KIAA1217: variants seen among roughly 807,000 people sequenced by gnomAD.
KIAA1217 encodes the protein sickle tail protein homolog.
In KIAA1217, 88 loss-of-function variants were observed where a neutral mutation model predicts 163.9. The observed-to-expected ratio is 0.54, with a 90% CI of 0.45 to 0.64. The LOEUF (loss-of-function observed/expected upper bound fraction) is 0.64, where lower values mean the gene tolerates loss of function less well. KIAA1217 is among the 30% of genes least tolerant of loss of function. The probability of loss-of-function intolerance (pLI) is 0.00; values close to 1 mark genes in which losing one functional copy is unlikely to be tolerated. For missense variants in KIAA1217, 2,372 were observed against 2,475.0 expected (o/e 0.96, Z 0.88); for synonymous variants, 903 against 923.1 (o/e 0.98, Z 0.39).
intron 8 of KIAA1217, among the ~76,000 whole-genome samples, chr10:24,498,638 G>A (rs2067126060): frequency 6.6e-6 from 1 of 152,050 alleles, no homozygotes; most frequent in South Asian, 2.1e-4. Flanking sequence ...GGGCAACATG[G>A]CAAAACCCCG....
chr10:24,220,954 T>C (rs1412069217), intron 2 of KIAA1217, among the ~76,000 whole-genome samples: 1 of 151,624 alleles, frequency 6.6e-6, no homozygotes, highest in East Asian at 1.9e-4. Flanking sequence ...AGAGACGGGG[T>C]CTTTCTCTAT....
At position 24,240,787 on chromosome 10, in the gene KIAA1217, T is replaced by C. The variant is rs144279158; in HGVS notation, c.354+20878T>C. Among the ~76,000 whole-genome samples the C allele has an allele frequency of 9.2e-3, 1,396 of 152,254 alleles. 24 individuals carry two copies. The highest frequency in any genetic ancestry group is 0.031 in the African/African-American group (1,308 of 41,548). On this transcript the variant is annotated intron_variant, in intron 2 of 20. Coordinates refer to ENST00000376454, the MANE Select transcript of KIAA1217 (RefSeq NM_019590.5). ...GAAATGGCATTGGATATTTAGAAAG[T>C]GTTTTTATATTCTTTACTTCCTCTT...
At chr10:24,282,175 C>T (rs576187683) in intron 2 of KIAA1217, among the ~76,000 whole-genome samples, 24 of 150,810 alleles carry the variant, frequency 1.6e-4, no homozygotes, top group African/African-American at 5.4e-4. Flanking sequence ...CAAGACCAGC[C>T]TGGGCAACAT....
At chr10:24,345,764 C>T (rs965448527) in intron 2 of KIAA1217, among the ~76,000 whole-genome samples, 2 of 151,426 alleles carry the variant, frequency 1.3e-5, no homozygotes, top group African/African-American at 2.4e-5. Flanking sequence ...CCCCCTTTCT[C>T]ATTTTATTCA....
At chr10:24,193,061 C>A in intron 2 of KIAA1217, among the ~76,000 whole-genome samples, 1 of 152,144 alleles carries the variant, frequency 6.6e-6, no homozygotes, top group Non-Finnish European at 1.5e-5. Flanking sequence ...GGACTATGGG[C>A]ATGTGCCACC....
At chr10:24,114,941 A>G (rs1475034424) in intron 2 of KIAA1217, among the ~76,000 whole-genome samples, 1 of 152,076 alleles carries the variant, frequency 6.6e-6, no homozygotes, top group East Asian at 1.9e-4. Context: ...TTTGATTTTG[A>G]GCTTTCCTAG....
intron 6 of KIAA1217, 70 bp from the exon 7 acceptor site, chr10:24,494,430 G>T: frequency 1.6e-6 from 2 of 1,254,780 alleles, no homozygotes; most frequent in Non-Finnish European, 2.3e-6. Flanking sequence ...ACCCTCAGGT[G>T]GTGCATTCAC....
chr10:24,233,007 C>T (rs1031175797), intron 2 of KIAA1217, among the ~76,000 whole-genome samples: 1 of 149,792 alleles, frequency 6.7e-6, no homozygotes, highest in Admixed American at 6.7e-5. Context: ...CACCTACAGT[C>T]CCAGATACTT....
intron 17 of KIAA1217, among the ~76,000 whole-genome samples, chr10:24,540,341 C>T (rs143312689): frequency 0.016 from 2,393 of 152,324 alleles, 90 homozygotes; most frequent in East Asian, 0.11. Context: ...TCAAGCAATT[C>T]TCCTACCTCG....
At chr10:23,872,538 T>A (rs1415698964) in intron 1 of KIAA1217, among the ~76,000 whole-genome samples, 1 of 152,090 alleles carries the variant, frequency 6.6e-6, no homozygotes, top group East Asian at 1.9e-4. Context: ...ACCACAAATA[T>A]ATCTCCACTA....
intron 2 of KIAA1217, among the ~76,000 whole-genome samples, chr10:24,200,836 G>A (rs1314457205): frequency 6.6e-6 from 1 of 152,118 alleles, no homozygotes; most frequent in East Asian, 1.9e-4. Flanking sequence ...GGGCCTGTGA[G>A]CAGAGTGAGC....
chr10:24,376,718 T>C (rs549288686), intron 2 of KIAA1217, among the ~76,000 whole-genome samples: 2 of 152,132 alleles, frequency 1.3e-5, no homozygotes, highest in African/African-American at 4.8e-5. Context: ...GCCATAATCT[T>C]ACCACTGCAC....
intron 1 of KIAA1217, among the ~76,000 whole-genome samples, chr10:23,861,275 C>A (rs115135336): frequency 0.023 from 3,538 of 152,178 alleles, 145 homozygotes; most frequent in African/African-American, 0.08. Flanking sequence ...GGCAGGAGAT[C>A]CACATCAAGA....
rs991545035 is a variant in KIAA1217 at position 24,468,807 on chromosome 10, A to G, written c.847-4421A>G. ...GGTGTTTCCCACATGAATGCCCAAT[A>G]CAATGTATCAGAATTACTTTTAGTT... On this transcript the variant is annotated intron_variant, in intron 5 of 20. Coordinates refer to ENST00000376454, the MANE Select transcript of KIAA1217 (RefSeq NM_019590.5). 2.0e-5 allele frequency among the ~76,000 whole-genome samples: 3 copies of G among 152,198 alleles called. No individual in the cohort carries two copies. The South Asian group carries it at 6.2e-4, about 32-fold the overall frequency.
chr10:24,177,275 A>ATATATATATATATATG lies in KIAA1217; in HGVS notation c.-170-42336_-170-42335insGTATATATATATATAT, dbSNP rs1380644314. Among the ~76,000 whole-genome samples the ATATATATATATATATG allele has an allele frequency of 3.0e-5, 3 of 100,130 alleles. 1 individual carries two copies. The highest frequency in any genetic ancestry group is 1.1e-4 in the African/African-American group (3 of 28,434). 65.7% of individuals were successfully genotyped at this position (100,130 alleles called of 152,430 possible). On this transcript the variant is annotated intron_variant, in intron 2 of 18. Transcript: ENST00000376462. The stretch of plus-strand genomic sequence containing the variant: ...CTCACCATCATATATATATATATAT[A>ATATATATATATATATG]TATATATATATATATATATATATTA...
chr10:24,034,032 G>A (rs1848293834), intron 2 of KIAA1217, among the ~76,000 whole-genome samples: 2 of 152,210 alleles, frequency 1.3e-5, no homozygotes, highest in Admixed American at 1.3e-4. Context: ...GGATGAAGTA[G>A]GACATTGGTA....
intron 9 of KIAA1217, among the ~76,000 whole-genome samples, chr10:24,510,655 A>C (rs2068978823): frequency 6.6e-6 from 1 of 152,082 alleles, no homozygotes; most frequent in East Asian, 1.9e-4. Context: ...CCCCCTTCAA[A>C]GGCAGGAGCT....
intron 1 of KIAA1217, among the ~76,000 whole-genome samples, chr10:23,754,443 T>A (rs529824560): frequency 6.6e-6 from 1 of 152,320 alleles, no homozygotes; most frequent in East Asian, 1.9e-4. Flanking sequence ...TTTTACAGGC[T>A]CTGCCCAGGA....
chr10:23,768,791 C>T lies in KIAA1217; in HGVS notation c.-321+73557C>T, dbSNP rs188944361. 1.5e-3 allele frequency among the ~76,000 whole-genome samples: 227 copies of T among 152,214 alleles called. No homozygotes were observed. In the Middle Eastern group the frequency reaches 0.02, roughly 14 times the overall value. ...GATTATTGACTTTCCCGCAGGCACTCGGGCTGAACTTGCCTCATGGGAATG... is the reference window on the plus strand; with the variant it reads ...GATTATTGACTTTCCCGCAGGCACTTGGGCTGAACTTGCCTCATGGGAATG... On this transcript the variant is annotated intron_variant, in intron 1 of 18. Coordinates refer to the KIAA1217 transcript ENST00000376462.
Sources: gnomAD v4.1 joint callset for allele counts (sites outside exome capture counted in the v4.1 genomes callset) on GRCh38, gnomAD v4.1.1 for gene constraint, MANE v1.5 for transcripts, NCBI Gene and HGNC (gene_info 2026-07-23, HGNC 2026-07-21) for gene names.